The following CREB5 variants were observed in gnomAD, a reference collection of about 807,000 sequenced individuals.
CREB5 encodes the protein cAMP responsive element binding protein 5, also known as cyclic AMP-responsive element-binding protein 5.
In CREB5, 19 loss-of-function variants were observed where a neutral mutation model predicts 57.1. That is an observed-to-expected ratio of 0.33 (90% CI 0.23 to 0.49). CREB5 has a LOEUF of 0.49. Ranked by LOEUF, CREB5 falls within the 20% of genes least tolerant of loss-of-function variation. CREB5 has a pLI of 0.99. For synonymous variants in CREB5, 238 were observed against 238.3 expected (o/e 1.00, Z 0.01); for missense variants, 579 against 671.6 (o/e 0.86, Z 1.52).
At position 28,521,572 on chromosome 7, in the gene CREB5, A is replaced by T. The variant is rs78482516; in HGVS notation, c.291+13835A>T. Reference sequence around the variant, plus strand: ...ATCTTGCCAAAATTCAAACAGTAATAATTGCATGATTTATTGTTTATTTAT... The same window carrying T: ...ATCTTGCCAAAATTCAAACAGTAATTATTGCATGATTTATTGTTTATTTAT... On this transcript the variant is annotated intron_variant, in intron 4 of 10. Transcript: ENST00000357727. Among the ~76,000 whole-genome samples, 49 of 152,264 alleles carry T rather than the reference A, an allele frequency of 3.2e-4. No homozygotes were observed. The East Asian group carries it at 8.9e-3, about 28-fold the overall frequency.
chr7:28,537,366 A>G (rs1461073092), intron 4 of CREB5, among the ~76,000 whole-genome samples: 1 of 134,196 alleles, frequency 7.5e-6, no homozygotes, highest in Non-Finnish European at 1.6e-5. Context: ...TTCCTACAAC[A>G]TGCACTTAAA....
intron 7 of CREB5, among the ~76,000 whole-genome samples, chr7:28,733,408 C>A (rs1478755188): frequency 6.6e-6 from 1 of 152,176 alleles, no homozygotes; most frequent in East Asian, 1.9e-4. Flanking sequence ...CTCTGCACAC[C>A]ATGATCTCGC....
chr7:28,575,538 A>G (rs1795873545), intron 5 of CREB5, among the ~76,000 whole-genome samples: 1 of 152,220 alleles, frequency 6.6e-6, no homozygotes, highest in African/African-American at 2.4e-5. Flanking sequence ...GCTATCTACC[A>G]CAGGCTAATG....
chr7:28,799,638 G>A (rs1462757214), intron 7 of CREB5, among the ~76,000 whole-genome samples: 1 of 152,140 alleles, frequency 6.6e-6, no homozygotes, highest in East Asian at 1.9e-4. Flanking sequence ...TTGAAGGGAT[G>A]GCACAATGAC....
chr7:28,609,416 T>G (rs1034623640), intron 5 of CREB5, among the ~76,000 whole-genome samples: 49 of 152,326 alleles, frequency 3.2e-4, no homozygotes, highest in African/African-American at 1.2e-3. Context: ...AAATGCCTGT[T>G]AAGAATAATA....
At chr7:28,319,036 G>A (rs1300898102) in intron 1 of CREB5, among the ~76,000 whole-genome samples, 1 of 152,158 alleles carries the variant, frequency 6.6e-6, no homozygotes, top group Non-Finnish European at 1.5e-5. Context: ...CTAAGTCAGT[G>A]GGTGGAGTGA....
chr7:28,545,154 A>C (rs2128630536), intron 4 of CREB5, among the ~76,000 whole-genome samples: 2 of 152,320 alleles, frequency 1.3e-5, no homozygotes, highest in South Asian at 4.1e-4. Flanking sequence ...CCATTTTTGA[A>C]AAATTTCTTC....
At chr7:28,490,028 AG>A (rs1297383358) in intron 2 of CREB5, among the ~76,000 whole-genome samples, 1 of 152,228 alleles carries the variant, frequency 6.6e-6, no homozygotes, top group African/African-American at 2.4e-5. Context: ...AAGTCTTGAT[AG>A]CCAAAGGGAA....
chr7:28,591,203 A>G (rs1459846147), intron 5 of CREB5, among the ~76,000 whole-genome samples: 1 of 152,200 alleles, frequency 6.6e-6, no homozygotes, highest in African/African-American at 2.4e-5. Flanking sequence ...AAAGGGCATC[A>G]TGTTTCCTCT....
At chr7:28,358,736 C>A (rs1263866876) in intron 1 of CREB5, among the ~76,000 whole-genome samples, 1 of 152,100 alleles carries the variant, frequency 6.6e-6, no homozygotes, top group Non-Finnish European at 1.5e-5. Context: ...AATGAAAGAC[C>A]AAGTGGTAAA....
chr7:28,789,582 A>G (rs1807542930), intron 7 of CREB5, among the ~76,000 whole-genome samples: 1 of 152,222 alleles, frequency 6.6e-6, no homozygotes, highest in African/African-American at 2.4e-5. Flanking sequence ...TTAACAACTG[A>G]TGTTACAGAG....
chr7:28,585,367 G>A lies in CREB5; in HGVS notation c.464+14830G>A, dbSNP rs368442293. Among the ~76,000 whole-genome samples, 4 of 152,148 alleles carry A rather than the reference G, an allele frequency of 2.6e-5. No individual in the cohort carries two copies. In the East Asian group the frequency reaches 5.8e-4, roughly 22 times the overall value. On this transcript the variant is annotated intron_variant, in intron 5 of 10. Transcript: ENST00000357727. Reference sequence around the variant, plus strand: ...CCTGGGGAAGGAGAGCCCAGGGTGGGCCTTGTTTTTCCGTGTGTGTGTTTG... The same window carrying A: ...CCTGGGGAAGGAGAGCCCAGGGTGGACCTTGTTTTTCCGTGTGTGTGTTTG...
chr7:28,334,698 C>T (rs948334776), intron 1 of CREB5, among the ~76,000 whole-genome samples: 1 of 152,068 alleles, frequency 6.6e-6, no homozygotes, highest in Non-Finnish European at 1.5e-5. Flanking sequence ...AGTTTTTAAA[C>T]TTGTGATCCC....
intron 4 of CREB5, 32 bp from the exon 5 acceptor site, chr7:28,570,333 C>T: frequency 6.3e-7 from 1 of 1,593,624 alleles, no homozygotes; most frequent in Non-Finnish European, 8.6e-7. Context: ...ATTGACTCCT[C>T]CTGACCTTTC....
intron 5 of CREB5, among the ~76,000 whole-genome samples, chr7:28,642,981 C>CAT (rs1798728794): frequency 4.4e-4 from 47 of 105,858 alleles, no homozygotes; most frequent in African/African-American, 1.3e-3. Context: ...CACACACACA[C>CAT]ACACATACAC....
chr7:28,340,329 G>A (rs550997310), intron 1 of CREB5, among the ~76,000 whole-genome samples: 2 of 152,294 alleles, frequency 1.3e-5, no homozygotes, highest in East Asian at 3.9e-4. Context: ...GATTATTTAG[G>A]ACCCAACAAC....
chr7:28,646,627 A>G (rs189945712), intron 5 of CREB5, among the ~76,000 whole-genome samples: 1 of 152,220 alleles, frequency 6.6e-6, no homozygotes, highest in Non-Finnish European at 1.5e-5. Context: ...CAAGGGTAAC[A>G]GAGAACAAAG....
At chr7:28,762,747 T>G (rs1260687305) in intron 7 of CREB5, among the ~76,000 whole-genome samples, 2 of 152,094 alleles carry the variant, frequency 1.3e-5, no homozygotes, top group Non-Finnish European at 2.9e-5. Flanking sequence ...TCTTTTTCTT[T>G]TTTTTGAGGC....
In CREB5 at chr7:28,319,617, G is replaced by A. The variant is rs537922932; in HGVS notation, c.-25+20176G>A. On this transcript the variant is annotated intron_variant, in intron 1 of 9. Coordinates refer to the CREB5 transcript ENST00000396299. Reference sequence around the variant, plus strand: ...GAAGGTGGATGCAGGTGACTCCTCCGCTCTACCCATGCTCACAGCCCAGCC... The same window carrying A: ...GAAGGTGGATGCAGGTGACTCCTCCACTCTACCCATGCTCACAGCCCAGCC... 1.5e-4 allele frequency among the ~76,000 whole-genome samples: 23 copies of A among 152,144 alleles called. 1 individual carries two copies. Among genetic ancestry groups the A allele is most frequent in the Admixed American group, 8.5e-4 (13 of 15,284 alleles).
Sources: allele counts gnomAD v4.1 joint callset (sites outside exome capture counted in the v4.1 genomes callset), GRCh38; gene constraint gnomAD v4.1.1; transcripts MANE v1.5; gene names NCBI Gene and HGNC (gene_info 2026-07-23, HGNC 2026-07-21).